SLC9A9: variants seen among roughly 807,000 people sequenced by gnomAD.
SLC9A9 encodes the protein sodium/hydrogen exchanger 9.
In SLC9A9, 62 loss-of-function variants were observed where a neutral mutation model predicts 77.8. The ratio of observed to expected loss-of-function variants is 0.80; its 90% CI spans 0.65 to 0.98. The LOEUF (loss-of-function observed/expected upper bound fraction) is 0.98. SLC9A9 is among the 50% of genes least tolerant of loss of function. The probability of loss-of-function intolerance (pLI) is 0.00; values close to 1 mark genes in which losing one functional copy is unlikely to be tolerated. For synonymous variants in SLC9A9, 320 were observed against 283.5 expected, an observed-to-expected ratio of 1.13 and a Z score of -1.29; for missense variants, 775 against 774.9, an observed-to-expected ratio of 1.00 and a Z score of 0.00.
chr3:143,417,508 G>C (rs1253229906), intron 12 of SLC9A9, among the ~76,000 whole-genome samples: 2 of 150,082 alleles, frequency 1.3e-5, no homozygotes, highest in Non-Finnish European at 1.5e-5. Flanking sequence ...AGGGAGGAGG[G>C]GGAGAAAGGG....
chr3:143,373,797 G>T (rs956033950), intron 13 of SLC9A9, among the ~76,000 whole-genome samples: 38 of 151,848 alleles, frequency 2.5e-4, no homozygotes, highest in African/African-American at 8.5e-4. Context: ...GATTAAAATA[G>T]ACTAATACCT....
intron 4 of SLC9A9, among the ~76,000 whole-genome samples, chr3:143,747,082 G>T (rs112885241): frequency 4.6e-5 from 7 of 152,068 alleles, no homozygotes; most frequent in Admixed American, 4.6e-4. Flanking sequence ...CTAATCCCTG[G>T]AACCCATAAA....
intron 4 of SLC9A9, among the ~76,000 whole-genome samples, chr3:143,769,229 C>T (rs2007432748): frequency 6.6e-6 from 1 of 152,120 alleles, no homozygotes; most frequent in Non-Finnish European, 1.5e-5. Context: ...ATTTTGTAAT[C>T]TTAATAATAC....
chr3:143,795,053 A>T lies in SLC9A9; in HGVS notation c.481T>A (p.Ser161Thr), dbSNP rs201860661. The change falls in exon 4 of 16, where the codon TCT becomes ACT. Residue 161 changes from serine (S) to threonine (T), a missense_variant. By Grantham distance (58) the Ser-to-Thr change is moderately conservative. Coordinates refer to ENST00000316549, the MANE Select transcript of SLC9A9 (RefSeq NM_173653.4). ...CCCAAGAAGGCATACGTTAAAATAG[A>T]TCCTAAGTTTTGAAAAAAGTGTCTC... ...KKRHFFQNLG[S>T]ILTYAFLGTA... The T allele has an allele frequency of 6.1e-5, 99 of 1,613,620 alleles. No individual in the cohort carries two copies. Among genetic ancestry groups the T allele is most frequent in the Middle Eastern group, 1.6e-4 (1 of 6,084 alleles).
At chr3:143,395,637 A>T (rs1421876693) in intron 12 of SLC9A9, among the ~76,000 whole-genome samples, 6 of 152,252 alleles carry the variant, frequency 3.9e-5, no homozygotes, top group Non-Finnish European at 5.9e-5. Context: ...ACAGCAAACG[A>T]AATTACCATC....
At chr3:143,819,510 A>G (rs1472548534) in intron 2 of SLC9A9, among the ~76,000 whole-genome samples, 1 of 152,220 alleles carries the variant, frequency 6.6e-6, no homozygotes, top group Non-Finnish European at 1.5e-5. Flanking sequence ...TGACCAAGTC[A>G]CTTAAGCTTC....
intron 1 of SLC9A9, among the ~76,000 whole-genome samples, chr3:143,836,235 G>A (rs1358989515): frequency 3.3e-5 from 5 of 152,168 alleles, no homozygotes; most frequent in Admixed American, 1.3e-4. Context: ...ACACACTTTA[G>A]AAACCAGTTT....
chr3:143,480,440 T>C (rs1230350369), intron 11 of SLC9A9, among the ~76,000 whole-genome samples: 1 of 152,218 alleles, frequency 6.6e-6, no homozygotes, highest in Non-Finnish European at 1.5e-5. Context: ...TCTACTATAC[T>C]TGTCTGCTTC....
intron 14 of SLC9A9, among the ~76,000 whole-genome samples, chr3:143,317,917 CG>C (rs1228582189): frequency 5.9e-5 from 9 of 152,170 alleles, no homozygotes; most frequent in Admixed American, 2.0e-4. Flanking sequence ...TTAGTAGAGA[CG>C]GGGTTTCACC....
intron 4 of SLC9A9, among the ~76,000 whole-genome samples, chr3:143,784,732 GATT>G (rs1243152953): frequency 6.6e-6 from 1 of 152,082 alleles, no homozygotes; most frequent in Non-Finnish European, 1.5e-5. Context: ...TCTTATGGTA[GATT>G]ATTTGCAAAG....
At chr3:143,572,222 T>G (rs2037273532) in intron 8 of SLC9A9, among the ~76,000 whole-genome samples, 1 of 152,024 alleles carries the variant, frequency 6.6e-6, no homozygotes, top group South Asian at 2.1e-4. Flanking sequence ...TTAATGTAGT[T>G]GATAGAAGAA....
intron 4 of SLC9A9, among the ~76,000 whole-genome samples, chr3:143,776,989 CTT>C (rs945031746): frequency 2.2e-4 from 34 of 152,098 alleles, no homozygotes; most frequent in African/African-American, 8.0e-4. Flanking sequence ...GGGCAAATAA[CTT>C]ACATTTGGGA....
At chr3:143,716,812 T>C (rs1422782861) in intron 4 of SLC9A9, among the ~76,000 whole-genome samples, 1 of 152,096 alleles carries the variant, frequency 6.6e-6, no homozygotes, top group African/African-American at 2.4e-5. Flanking sequence ...AAGAGACAAT[T>C]CCCAAGGGAG....
chr3:143,624,338 C>A (rs1401681474), intron 6 of SLC9A9, among the ~76,000 whole-genome samples: 1 of 152,096 alleles, frequency 6.6e-6, no homozygotes, highest in Admixed American at 6.6e-5. Flanking sequence ...ACCAATATCC[C>A]CGATGAATAT....
At chr3:143,692,268 T>A (rs1298914570) in intron 5 of SLC9A9, among the ~76,000 whole-genome samples, 1 of 152,154 alleles carries the variant, frequency 6.6e-6, no homozygotes, top group Non-Finnish European at 1.5e-5. Context: ...CTGCCCTTGT[T>A]TGGATCTTGA....
At chr3:143,336,256 A>G (rs775704015) in intron 14 of SLC9A9, among the ~76,000 whole-genome samples, 14 of 152,174 alleles carry the variant, frequency 9.2e-5, no homozygotes, top group Non-Finnish European at 2.1e-4. Flanking sequence ...TGATGAGGAC[A>G]TGGAGAAATT....
chr3:143,784,655 A>T (rs183328571), intron 4 of SLC9A9, among the ~76,000 whole-genome samples: 1 of 151,750 alleles, frequency 6.6e-6, no homozygotes, highest in Non-Finnish European at 1.5e-5. Flanking sequence ...CACCAAACCC[A>T]GTCCTGAGTC....
Position 143,392,520 on chromosome 3 carries a change from G to T in SLC9A9, c.1470-10406C>A, listed in dbSNP as rs561569857. On this transcript the variant is annotated intron_variant, in intron 12 of 15. Coordinates refer to ENST00000316549, the MANE Select transcript of SLC9A9 (RefSeq NM_173653.4). ...CATGCCAAATTGTAAAGACCATCGA[G>T]GCTAGGAAGAAACTGCATCAACTAA... Among the ~76,000 whole-genome samples the T allele has an allele frequency of 2.6e-4, 39 of 150,874 alleles. 1 individual carries two copies. Among genetic ancestry groups the T allele is most frequent in the South Asian group, 1.1e-3 (5 of 4,722 alleles).
chr3:143,830,065 G>A (rs2009398008), intron 2 of SLC9A9, among the ~76,000 whole-genome samples: 1 of 152,144 alleles, frequency 6.6e-6, no homozygotes, highest in Non-Finnish European at 1.5e-5. Context: ...AGGAAGACAG[G>A]CTACAGGTTG....
Sources: allele counts gnomAD v4.1 joint callset (sites outside exome capture counted in the v4.1 genomes callset), GRCh38; gene constraint gnomAD v4.1.1; transcripts MANE v1.5; gene names NCBI Gene and HGNC (gene_info 2026-07-23, HGNC 2026-07-21).